Variants in TUBB6 observed in about 807,000 individuals in gnomAD.
TUBB6 encodes the protein tubulin beta 6 class V, also known as tubulin beta-6 chain.
In TUBB6, 18 loss-of-function variants were observed where a neutral mutation model predicts 32.3. The ratio of observed to expected loss-of-function variants is 0.56; its 90% CI spans 0.39 to 0.83. TUBB6 has a LOEUF of 0.83. Ranked by LOEUF, TUBB6 falls within the 40% of genes least tolerant of loss-of-function variation. The pLI, the probability that TUBB6 is intolerant of heterozygous loss-of-function variation, is 0.00. For synonymous variants in TUBB6, 280 were observed against 265.8 expected (o/e 1.05, Z -0.52); for missense variants, 480 against 632.0 (o/e 0.76, Z 2.58).
At chr18:12,323,095 G>A (rs562454870) in intron 3 of TUBB6, among the ~76,000 whole-genome samples, 2 of 152,210 alleles carry the variant, frequency 1.3e-5, no homozygotes, top group East Asian at 3.9e-4. Context: ...TGTGCCTGTA[G>A]TCCCTGCTAC....
intron 3 of TUBB6, among the ~76,000 whole-genome samples, chr18:12,318,788 C>G (rs564585690): frequency 1.8e-4 from 24 of 134,878 alleles, no homozygotes; most frequent in Admixed American, 6.2e-4. Context: ...GATGGGGTCT[C>G]GCCTTGTCAC....
At chr18:12,329,446 G>T (rs1367524050), downstream of TUBB6, 6 of 1,075,120 alleles carry the variant, frequency 5.6e-6, no homozygotes, top group African/African-American at 1.6e-5. Flanking sequence ...CATCATTTCA[G>T]CTGGGCCAGT....
Position 12,308,256 on chromosome 18 carries a change from C to A in TUBB6, c.-37C>A. 7.2e-7 allele frequency: 1 copy of A among 1,394,316 alleles called. No homozygotes were observed. 86.4% of individuals were successfully genotyped at this position (1,394,316 alleles called of 1,614,324 possible). ...GCCGGCCCGCAGTTGCCGCTGTCGT[C>A]CGCAGAGCCAGTTCCTAGCGCAGAG... On this transcript the variant is annotated 5_prime_UTR_variant, in exon 1 of 4. Coordinates refer to ENST00000317702, the MANE Select transcript of TUBB6 (RefSeq NM_032525.3).
At chr18:12,311,219 G>T in intron 3 of TUBB6, 166 bp downstream of exon 3, 3 of 556,794 alleles carry the variant, frequency 5.4e-6, no homozygotes, top group South Asian at 2.1e-5. Flanking sequence ...ACAAGGAACA[G>T]TTTTTTTTAA....
At chr18:12,315,128 TATC>T (rs777004871) in intron 3 of TUBB6, among the ~76,000 whole-genome samples, 4 of 152,218 alleles carry the variant, frequency 2.6e-5, no homozygotes, top group Non-Finnish European at 5.9e-5. Context: ...GTAATCATGG[TATC>T]ATTTATATCT....
intron 3 of TUBB6, among the ~76,000 whole-genome samples, chr18:12,314,869 T>C (rs146007935): frequency 2.0e-4 from 30 of 152,328 alleles, no homozygotes; most frequent in African/African-American, 6.7e-4. Context: ...GGGGAATATA[T>C]GCTTTTAATA....
At chr18:12,321,066 A>G (rs7505626) in intron 3 of TUBB6, among the ~76,000 whole-genome samples, 25,081 of 152,162 alleles carry the variant, frequency 0.16, 2,395 homozygotes, top group African/African-American at 0.27. Flanking sequence ...AGGGTTTAGC[A>G]TTATTTCCAG....
chr18:12,308,216 C>T (rs1026729841), upstream of TUBB6: 23 of 1,144,674 alleles, frequency 2.0e-5, 1 homozygote, highest in Non-Finnish European at 1.7e-5. Flanking sequence ...GAGGGTCGGC[C>T]CCGGGACGCG....
At chr18:12,315,744 C>G (rs779134695) in intron 3 of TUBB6, among the ~76,000 whole-genome samples, 1 of 152,086 alleles carries the variant, frequency 6.6e-6, no homozygotes, top group African/African-American at 2.4e-5. Context: ...GGTGGTTAGC[C>G]GAAACTCATG....
chr18:12,319,972 TAG>T (rs1906896753), intron 3 of TUBB6, among the ~76,000 whole-genome samples: 1 of 152,014 alleles, frequency 6.6e-6, no homozygotes, highest in Non-Finnish European at 1.5e-5. Flanking sequence ...ATATTTTTGG[TAG>T]AGACGGGGTT....
At chr18:12,310,076 T>C (rs1906278132) in intron 2 of TUBB6, among the ~76,000 whole-genome samples, 1 of 152,132 alleles carries the variant, frequency 6.6e-6, no homozygotes, top group African/African-American at 2.4e-5. Flanking sequence ...AGGCAGGAAG[T>C]CAGGGGACTT....
upstream of TUBB6, chr18:12,308,159 CG>C: frequency 2.4e-6 from 1 of 422,314 alleles, no homozygotes; most frequent in Non-Finnish European, 3.2e-6. Flanking sequence ...GGCGGCGGGG[CG>C]GGGCCCGCAG....
At chr18:12,316,671 A>T (rs1426531905) in intron 3 of TUBB6, among the ~76,000 whole-genome samples, 1 of 152,234 alleles carries the variant, frequency 6.6e-6, no homozygotes, top group Non-Finnish European at 1.5e-5. Context: ...ATGTATAAAC[A>T]TTCTATATTG....
At chr18:12,327,944 G>A (rs952601000), downstream of TUBB6, among the ~76,000 whole-genome samples, 1 of 152,226 alleles carries the variant, frequency 6.6e-6, no homozygotes, top group African/African-American at 2.4e-5. Flanking sequence ...TCTACTGCCT[G>A]TATGGTAAAA....
intron 3 of TUBB6, among the ~76,000 whole-genome samples, chr18:12,322,887 T>A (rs1907062988): frequency 6.6e-6 from 1 of 152,244 alleles, no homozygotes; most frequent in African/African-American, 2.4e-5. Context: ...TTGGAATTAT[T>A]TCTGATTTTT....
chr18:12,308,678 C>T lies in TUBB6; in HGVS notation c.58-9C>T, dbSNP rs762925879. The T allele has an allele frequency of 1.3e-4, 206 of 1,594,982 alleles. 3 individuals are homozygous for T. In the South Asian group the frequency reaches 2.2e-3, roughly 17 times the overall value. Reference sequence around the variant, plus strand: ...TGAGCGTCTGTCCCCCCGCCTTGCCCTGCCCAAGTTTTGGGAAGTGATCAG... The same window carrying T: ...TGAGCGTCTGTCCCCCCGCCTTGCCTTGCCCAAGTTTTGGGAAGTGATCAG... On this transcript the variant is annotated splice_polypyrimidine_tract_variant and intron_variant, in intron 1 of 3. Transcript: ENST00000317702.
chr18:12,310,001 A>G (rs1202193809), intron 2 of TUBB6, among the ~76,000 whole-genome samples: 2 of 152,014 alleles, frequency 1.3e-5, no homozygotes, highest in Non-Finnish European at 2.9e-5. Context: ...GTTTATTTCC[A>G]TGGAGCTAAA....
intron 3 of TUBB6, among the ~76,000 whole-genome samples, chr18:12,321,617 G>C (rs1205398844): frequency 6.6e-6 from 1 of 152,224 alleles, no homozygotes; most frequent in African/African-American, 2.4e-5. Context: ...TGAAACCAGA[G>C]AGGCTGGTCT....
At chr18:12,321,966 T>C (rs1193123543) in intron 3 of TUBB6, among the ~76,000 whole-genome samples, 1 of 152,178 alleles carries the variant, frequency 6.6e-6, no homozygotes, top group Admixed American at 6.6e-5. Context: ...TAAAATGTCA[T>C]GACCTGCAAG....
Sources: gnomAD v4.1 joint callset for allele counts (sites outside exome capture counted in the v4.1 genomes callset) on GRCh38, gnomAD v4.1.1 for gene constraint, MANE v1.5 for transcripts, NCBI Gene and HGNC (gene_info 2026-07-23, HGNC 2026-07-21) for gene names.